The following TBC1D19 variants were observed in gnomAD, a reference collection of about 807,000 sequenced individuals.
TBC1D19 encodes the protein TBC1 domain family, member 19.
TBC1D19 carries 60 observed loss-of-function variants against 89.0 expected under a neutral mutation model. The observed-to-expected ratio is 0.67, with a 90% CI of 0.55 to 0.84. The LOEUF is 0.84. TBC1D19 is among the 40% of genes least tolerant of loss of function. The probability of loss-of-function intolerance (pLI) is 0.00; values close to 1 mark genes in which losing one functional copy is unlikely to be tolerated. For synonymous variants in TBC1D19, 189 were observed against 199.7 expected (o/e 0.95, Z 0.45); for missense variants, 500 against 610.8 (o/e 0.82, Z 1.91).
In TBC1D19 at chr4:26,688,376, ATTATT is replaced by A; in HGVS notation, c.926_930del (p.Tyr309CysfsTer3). The stretch of plus-strand genomic sequence containing the variant: ...AAGTTGACAGCAAGCAATGATGATT[ATTATT>A]TTGTATTTGAAGATTATTTATATCA... On this transcript the variant is annotated frameshift_variant, in exon 13 of 21. Coordinates refer to ENST00000264866, the MANE Select transcript of TBC1D19 (RefSeq NM_018317.4). LOFTEE classifies it high-confidence loss of function. The A allele has an allele frequency of 6.4e-7, 1 of 1,568,396 alleles. No individual in the cohort carries two copies. Among genetic ancestry groups the A allele is most frequent in the East Asian group, 2.3e-5 (1 of 43,052 alleles).
At chr4:26,745,802 G>A (rs925735953) in intron 18 of TBC1D19, among the ~76,000 whole-genome samples, 32 of 151,752 alleles carry the variant, frequency 2.1e-4, no homozygotes, top group African/African-American at 7.0e-4. Flanking sequence ...GTGAGCCACC[G>A]CACCCAGCCA....
intron 11 of TBC1D19, among the ~76,000 whole-genome samples, chr4:26,680,398 A>G (rs1713230481): frequency 6.6e-6 from 1 of 151,546 alleles, no homozygotes; most frequent in Admixed American, 6.6e-5. Flanking sequence ...CTTCCTCTCT[A>G]CTCACTCCTT....
intron 12 of TBC1D19, among the ~76,000 whole-genome samples, chr4:26,684,621 AATATAGG>A (rs1018900078): frequency 8.5e-5 from 13 of 152,222 alleles, no homozygotes; most frequent in Admixed American, 8.5e-4. Flanking sequence ...CTTTATGTGT[AATATAGG>A]ATATGAATAA....
rs914514752 is a variant in TBC1D19, at chr4:26,755,058, A to T, written c.*111A>T. 63 of 937,678 alleles carry T rather than the reference A, an allele frequency of 6.7e-5. No homozygotes were observed. Among genetic ancestry groups the T allele is most frequent in the Non-Finnish European group, 8.9e-5 (57 of 641,862 alleles). The allele number at this position is 937,678 out of a possible 1,614,324, so 58.1% of individuals were successfully genotyped here. Reference sequence around the variant, plus strand: ...AAACTTTGCATATAAGCCAATAAAGATCATGTTCCCTCTTCAGTTAAACCT... The same window carrying T: ...AAACTTTGCATATAAGCCAATAAAGTTCATGTTCCCTCTTCAGTTAAACCT... On this transcript the variant is annotated 3_prime_UTR_variant, in exon 21 of 21. Transcript: ENST00000264866.
rs372478682 is a variant in TBC1D19, at chr4:26,666,720, T to C, written c.664+315T>C. On this transcript the variant is annotated intron_variant, in intron 9 of 20. Coordinates refer to ENST00000264866, the MANE Select transcript of TBC1D19 (RefSeq NM_018317.4). ...TGGCCATCAGCATCTGTTTTTACTT[T>C]TGTATCACCAAGTTAAGTGAACACT... Among the ~76,000 whole-genome samples, 33 of 152,210 alleles carry C rather than the reference T, an allele frequency of 2.2e-4. No individual in the cohort carries two copies. The East Asian group carries it at 6.0e-3, about 28-fold the overall frequency.
intron 14 of TBC1D19, among the ~76,000 whole-genome samples, chr4:26,719,021 G>A (rs1003003463): frequency 1.3e-5 from 2 of 151,982 alleles, no homozygotes; most frequent in East Asian, 1.9e-4. Context: ...TGAAGAACTA[G>A]CCAGTACCTC....
chr4:26,632,246 A>G (rs1418216303), intron 4 of TBC1D19, among the ~76,000 whole-genome samples: 1 of 151,990 alleles, frequency 6.6e-6, no homozygotes, highest in Non-Finnish European at 1.5e-5. Context: ...CTGACCCTTC[A>G]TGCAGTCAAA....
chr4:26,614,374 TG>T, intron 2 of TBC1D19, 33 bp from the exon 3 acceptor site: 1 of 1,393,180 alleles, frequency 7.2e-7, no homozygotes, highest in Non-Finnish European at 9.9e-7. Context: ...AAAACTAGTA[TG>T]TTCATATATT....
At chr4:26,639,256 C>T (rs1268549660) in intron 6 of TBC1D19, among the ~76,000 whole-genome samples, 1 of 151,920 alleles carries the variant, frequency 6.6e-6, no homozygotes, top group Non-Finnish European at 1.5e-5. Flanking sequence ...GCTATGTTGC[C>T]CTGGCTCTCT....
the TBC1D19 span, among the ~76,000 whole-genome samples, chr4:26,784,919 C>T: frequency 1.3e-5 from 2 of 152,282 alleles, no homozygotes; most frequent in East Asian, 3.9e-4. Context: ...TGAATGTTGA[C>T]CATGAAAATA....
At chr4:26,658,989 G>A (rs145246452) in intron 7 of TBC1D19, among the ~76,000 whole-genome samples, 2,528 of 152,278 alleles carry the variant, frequency 0.017, 70 homozygotes, top group African/African-American at 0.058. Flanking sequence ...TTTGGGCTGA[G>A]ACGGTGGGGT....
At chr4:26,799,067 C>A in the TBC1D19 span, among the ~76,000 whole-genome samples, 2 of 151,716 alleles carry the variant, frequency 1.3e-5, no homozygotes, top group Admixed American at 6.6e-5. Context: ...ATTTTTAATC[C>A]CATGAGGAGG....
At chr4:26,794,125 T>C in the TBC1D19 span, among the ~76,000 whole-genome samples, 2 of 152,208 alleles carry the variant, frequency 1.3e-5, no homozygotes, top group Non-Finnish European at 2.9e-5. Context: ...ATGCATATTA[T>C]AGGAGCAAAA....
chr4:26,759,015 A>G (rs1182538646), downstream of TBC1D19, among the ~76,000 whole-genome samples: 2 of 152,198 alleles, frequency 1.3e-5, no homozygotes, highest in East Asian at 3.8e-4. Context: ...TTGCCCTTAC[A>G]GCTTCCTCTG....
chr4:26,779,826 C>CGG, the TBC1D19 span, among the ~76,000 whole-genome samples: 1 of 152,208 alleles, frequency 6.6e-6, no homozygotes, highest in Non-Finnish European at 1.5e-5. Flanking sequence ...TTATAATTTA[C>CGG]ATATTTTTCC....
At chr4:26,601,814 G>C (rs112152546) in intron 1 of TBC1D19, among the ~76,000 whole-genome samples, 286 of 152,232 alleles carry the variant, frequency 1.9e-3, no homozygotes, top group Non-Finnish European at 3.3e-3. Flanking sequence ...ATCTTTTGCT[G>C]TTCCATAAAC....
intron 11 of TBC1D19, among the ~76,000 whole-genome samples, chr4:26,681,602 A>G (rs1478399275): frequency 6.6e-6 from 1 of 152,140 alleles, no homozygotes; most frequent in Non-Finnish European, 1.5e-5. Context: ...GCCTTTGCCA[A>G]TTTATTCTGT....
intron 1 of TBC1D19, among the ~76,000 whole-genome samples, chr4:26,593,143 A>G (rs1273116421): frequency 2.0e-5 from 3 of 152,236 alleles, no homozygotes; most frequent in Non-Finnish European, 4.4e-5. Flanking sequence ...AAACAGAGAT[A>G]TAGACCAATG....
At chr4:26,757,297 G>A (rs1240764220), downstream of TBC1D19, among the ~76,000 whole-genome samples, 1 of 152,162 alleles carries the variant, frequency 6.6e-6, no homozygotes, top group Non-Finnish European at 1.5e-5. Flanking sequence ...TTACAGGCGT[G>A]AGTGACCACA....
Sources: allele counts gnomAD v4.1 joint callset (sites outside exome capture counted in the v4.1 genomes callset), GRCh38; gene constraint gnomAD v4.1.1; transcripts MANE v1.5; gene names NCBI Gene and HGNC (gene_info 2026-07-23, HGNC 2026-07-21).